PTPRM: variants seen among roughly 807,000 people sequenced by gnomAD.
The protein encoded by PTPRM is receptor-type tyrosine-protein phosphatase mu.
In PTPRM, 47 loss-of-function variants were observed where a neutral mutation model predicts 186.7. The ratio of observed to expected loss-of-function variants is 0.25; its 90% CI spans 0.20 to 0.32. The LOEUF (loss-of-function observed/expected upper bound fraction) is 0.32, where lower values mean the gene tolerates loss of function less well. Ranked by LOEUF, PTPRM falls within the 10% of genes least tolerant of loss-of-function variation. PTPRM has a pLI of 1.00. For missense variants in PTPRM, 1,494 were observed against 1,865.0 expected (o/e 0.80, Z 3.66); for synonymous variants, 668 against 674.9 (o/e 0.99, Z 0.16).
At chr18:8,235,089 C>A (rs2094328759) in intron 14 of PTPRM, among the ~76,000 whole-genome samples, 1 of 152,002 alleles carries the variant, frequency 6.6e-6, no homozygotes, top group Non-Finnish European at 1.5e-5. Context: ...GAAATGCTGG[C>A]CTTTTAGAAT....
chr18:8,145,590 G>T (rs564013079), intron 14 of PTPRM, among the ~76,000 whole-genome samples: 1 of 152,130 alleles, frequency 6.6e-6, no homozygotes, highest in Non-Finnish European at 1.5e-5. Context: ...TTCTGTTCTT[G>T]TGATAGTTTG....
chr18:8,147,237 G>A (rs927328247), intron 14 of PTPRM, among the ~76,000 whole-genome samples: 1 of 152,182 alleles, frequency 6.6e-6, no homozygotes, highest in Non-Finnish European at 1.5e-5. Flanking sequence ...ATTACTTTGG[G>A]CAGTCTGGCC....
At position 7,646,951 on chromosome 18, in the gene PTPRM, G is replaced by C. The variant is rs553242329; in HGVS notation, c.73+79060G>C. Among the ~76,000 whole-genome samples the C allele has an allele frequency of 3.3e-5, 5 of 152,078 alleles. No homozygotes were observed. In the East Asian group the frequency reaches 9.6e-4, roughly 29 times the overall value. On this transcript the variant is annotated intron_variant, in intron 1 of 32. Transcript: ENST00000580170. ...GATGGTTGGAGGGGAGAATGGCACG[G>C]ACAAGGAGAAACGGGTTTCTGCTCT...
chr18:7,997,995 C>T (rs2083643126), intron 7 of PTPRM, among the ~76,000 whole-genome samples: 1 of 152,088 alleles, frequency 6.6e-6, no homozygotes, highest in African/African-American at 2.4e-5. Context: ...AAAAATAGAA[C>T]TACTGTATAA....
chr18:7,688,814 G>T (rs1037291244), intron 1 of PTPRM, among the ~76,000 whole-genome samples: 1 of 152,162 alleles, frequency 6.6e-6, no homozygotes, highest in African/African-American at 2.4e-5. Flanking sequence ...GTCAGCCAGG[G>T]AAGATTTATG....
intron 1 of PTPRM, among the ~76,000 whole-genome samples, chr18:7,714,537 CAG>C (rs2040282003): frequency 6.6e-6 from 1 of 151,782 alleles, no homozygotes; most frequent in Non-Finnish European, 1.5e-5. Flanking sequence ...CTGAAGGAGA[CAG>C]AGACACGAAA....
In PTPRM at chr18:7,687,744, A is replaced by G. The variant is rs561263057; in HGVS notation, c.74-86405A>G. ...TTACTTTTTACTACATGTACCTTCT[A>G]TGTTTGCATGGAGCATAAACAAGGA... On this transcript the variant is annotated intron_variant, in intron 1 of 32. Transcript: ENST00000580170. Among the ~76,000 whole-genome samples, 56 of 151,234 alleles carry G rather than the reference A, an allele frequency of 3.7e-4. 1 individual carries two copies. The South Asian group carries it at 5.2e-3, about 14-fold the overall frequency.
At chr18:7,928,728 G>A (rs983588961) in intron 5 of PTPRM, among the ~76,000 whole-genome samples, 1 of 152,090 alleles carries the variant, frequency 6.6e-6, no homozygotes, top group African/African-American at 2.4e-5. Context: ...CTAAGCTCTC[G>A]CCTTAACAGA....
rs59390700 is a variant in PTPRM, at chr18:7,927,421, T to C, written c.663+738T>C. On this transcript the variant is annotated intron_variant, in intron 5 of 32. Coordinates refer to ENST00000580170, the MANE Select transcript of PTPRM (RefSeq NM_001105244.2). ...TAATCTGGAGGCTGCTCATTTTTCA[T>C]CTTGAGTGGTGTTGATTTTTTGTCC... Among the ~76,000 whole-genome samples, 562 of 152,254 alleles carry C rather than the reference T, an allele frequency of 3.7e-3. 6 individuals are homozygous for C. The highest frequency in any genetic ancestry group is 0.013 in the African/African-American group (535 of 41,566).
intron 7 of PTPRM, among the ~76,000 whole-genome samples, chr18:7,959,536 A>C (rs540167121): frequency 6.6e-6 from 1 of 152,358 alleles, no homozygotes; most frequent in East Asian, 1.9e-4. Flanking sequence ...TTGTAGACAC[A>C]GTCTCATTAC....
At chr18:7,779,620 A>G (rs975306033) in intron 2 of PTPRM, among the ~76,000 whole-genome samples, 4 of 152,184 alleles carry the variant, frequency 2.6e-5, no homozygotes, top group Admixed American at 6.5e-5. Flanking sequence ...AGACTTCCCT[A>G]TTTATTCACA....
At position 8,126,025 on chromosome 18, in the gene PTPRM, A is replaced by ATTTTTTTTTTT. The variant is rs1215694977; in HGVS notation, c.2167+11199_2167+11200insTTTTTTTTTTT. ...TATATATATATATATATATATATAT[A>ATTTTTTTTTTT]TATTTTAAATCAGTAGACCTTTCCA... On this transcript the variant is annotated intron_variant, in intron 13 of 32. Coordinates refer to ENST00000580170, the MANE Select transcript of PTPRM (RefSeq NM_001105244.2). Among the ~76,000 whole-genome samples the ATTTTTTTTTTT allele has an allele frequency of 1.3e-3, 74 of 57,244 alleles. 7 individuals carry two copies. The highest frequency in any genetic ancestry group is 1.9e-3 in the Non-Finnish European group (56 of 28,726). The allele number at this position is 57,244 out of a possible 152,430, so 37.6% of individuals were successfully genotyped here.
chr18:7,620,088 C>T (rs2037900929), intron 1 of PTPRM, among the ~76,000 whole-genome samples: 1 of 152,174 alleles, frequency 6.6e-6, no homozygotes, highest in Non-Finnish European at 1.5e-5. Flanking sequence ...AGATTTTTCT[C>T]TAGGAGAAAA....
intron 1 of PTPRM, among the ~76,000 whole-genome samples, chr18:7,614,101 T>C (rs946039598): frequency 1.3e-5 from 2 of 152,210 alleles, no homozygotes; most frequent in African/African-American, 4.8e-5. Flanking sequence ...CTCTCCAGAA[T>C]ACTTTAGGGT....
chr18:7,682,675 T>G (rs1340794686), intron 1 of PTPRM, among the ~76,000 whole-genome samples: 1 of 152,244 alleles, frequency 6.6e-6, no homozygotes, highest in Non-Finnish European at 1.5e-5. Context: ...TTTGAGTTAG[T>G]TTTAAAATGT....
In PTPRM at chr18:7,652,710, A is replaced by G. The variant is rs546362682; in HGVS notation, c.73+84819A>G. ...TAGGTGGGAATTGAACAGTGAGAAC[A>G]TATGGACACAGGCAGGGGAACATCA... On this transcript the variant is annotated intron_variant, in intron 1 of 32. Transcript: ENST00000580170. Among the ~76,000 whole-genome samples, 10 of 135,938 alleles carry G rather than the reference A, an allele frequency of 7.4e-5. No homozygotes were observed. The East Asian group carries it at 2.2e-3, about 30-fold the overall frequency. The allele number at this position is 135,938 out of a possible 152,430, so 89.2% of individuals were successfully genotyped here.
At chr18:7,696,643 G>A (rs906338666) in intron 1 of PTPRM, among the ~76,000 whole-genome samples, 8 of 152,190 alleles carry the variant, frequency 5.3e-5, no homozygotes, top group African/African-American at 1.9e-4. Context: ...TTGTTTCAAG[G>A]GGCGAGGATG....
At chr18:8,326,521 G>A (rs116477146) in intron 22 of PTPRM, among the ~76,000 whole-genome samples, 2,176 of 152,266 alleles carry the variant, frequency 0.014, 55 homozygotes, top group African/African-American at 0.049. Flanking sequence ...ATCACTTTAT[G>A]TGACTTGAAA....
intron 7 of PTPRM, among the ~76,000 whole-genome samples, chr18:7,966,480 G>T (rs370292429): frequency 2.6e-5 from 4 of 152,000 alleles, no homozygotes; most frequent in East Asian, 1.9e-4. Flanking sequence ...GAACAGCTCC[G>T]GTCTACAGCT....
Sources: allele counts gnomAD v4.1 joint callset (sites outside exome capture counted in the v4.1 genomes callset), GRCh38; gene constraint gnomAD v4.1.1; transcripts MANE v1.5; gene names NCBI Gene and HGNC (gene_info 2026-07-23, HGNC 2026-07-21).